The following KLHL30 variants were observed in gnomAD, a reference collection of about 807,000 sequenced individuals.
KLHL30 encodes kelch-like protein 30.
A neutral mutation model predicts 55.0 loss-of-function variants in KLHL30; 55 were observed. That is an observed-to-expected ratio of 1.00 (90% confidence interval 0.80 to 1.25). The LOEUF is 1.25. Among genes scored for constraint, KLHL30 ranks in the 50% most tolerant of loss-of-function variants. KLHL30 has a pLI of 0.00. For missense variants in KLHL30, 786 were observed against 811.6 expected (o/e 0.97, Z 0.38); for synonymous variants, 356 against 372.6 (o/e 0.96, Z 0.51).
rs1692623394 is a variant in KLHL30, at chr2:238,145,065, T to C, written c.994+77T>C. The stretch of plus-strand genomic sequence containing the variant: ...GCTCAGTGCAACTCCCCGCACTCCG[T>C]GGGGTCCCTGAGGGTTAGTCAAGGC... On this transcript the variant is annotated intron_variant, in intron 4 of 7. Transcript: ENST00000409223. The C allele has an allele frequency of 8.5e-6, 10 of 1,175,624 alleles. No individual in the cohort carries two copies. The South Asian group carries it at 1.3e-4, about 15-fold the overall frequency. 72.8% of individuals were successfully genotyped at this position (1,175,624 alleles called of 1,614,324 possible). A position where few individuals can be genotyped will look rare whatever the true frequency, so the allele number is the denominator to read the frequency against.
rs755959940 is a variant in KLHL30 at position 238,141,232 on chromosome 2, G to C, written c.478G>C (p.Glu160Gln). The change falls in exon 2 of 8, where the codon GAG (glutamate) becomes CAG (glutamine). Residue 160 changes from glutamate (E) to glutamine (Q), a missense_variant. Transcript: ENST00000409223. Reference protein sequence around the residue: ...VAAKAWAFLRENFEAVAREDE... With the variant: ...VAAKAWAFLRQNFEAVAREDE... The stretch of plus-strand genomic sequence containing the variant: ...TGCCAAGGCCTGGGCCTTCCTGCGA[G>C]AGAACTTTGAGGCTGTGGCACGTGA... The C allele has an allele frequency of 1.2e-6, 2 of 1,608,944 alleles. No individual in the cohort carries two copies. The highest frequency in any genetic ancestry group is 1.1e-5 in the South Asian group (1 of 91,060).
At chr2:238,145,904 G>T in intron 5 of KLHL30, 72 bp downstream of exon 5, 1 of 1,453,308 alleles carries the variant, frequency 6.9e-7, no homozygotes. Flanking sequence ...CAGGAACCGA[G>T]AGCCCCATGC....
Position 238,144,897 on chromosome 2 carries a change from G to A in KLHL30, c.908-5G>A, listed in dbSNP as rs377362256. On this transcript the variant is annotated splice_region_variant and splice_polypyrimidine_tract_variant and intron_variant, in intron 3 of 7. Coordinates refer to ENST00000409223, the MANE Select transcript of KLHL30 (RefSeq NM_198582.4). ...CTGACCCTTCTGCCTCTCTCTTCCT[G>A]CCAGAGAGGTGGATGGCACTTCCAG... The A allele has an allele frequency of 6.2e-7, 1 of 1,606,158 alleles. No individual in the cohort carries two copies. The highest frequency in any genetic ancestry group is 1.7e-4 in the Middle Eastern group (1 of 6,056).
chr2:238,147,796 C>T lies in KLHL30; in HGVS notation c.1151-38C>T. 7.4e-7 allele frequency: 1 copy of T among 1,345,022 alleles called. No individual in the cohort carries two copies. The highest frequency in any genetic ancestry group is 9.7e-7 in the Non-Finnish European group (1 of 1,027,684). The allele number at this position is 1,345,022 out of a possible 1,614,324, so 83.3% of individuals were successfully genotyped here. A position where few individuals can be genotyped will look rare whatever the true frequency, so the allele number is the denominator to read the frequency against. ...CCTGAGTTTCCAGGCCTCCCCTCTC[C>T]TCCCCAGCCCTGAACTGCCCCCGCC... is the stretch of plus-strand genomic sequence containing the variant. On this transcript the variant is annotated intron_variant, in intron 5 of 7. Coordinates refer to ENST00000409223, the MANE Select transcript of KLHL30 (RefSeq NM_198582.4). This position sits in a 1 kb window ranked among gnomAD's most constrained non-coding sequence, Gnocchi z 5.8.
Position 238,150,931 on chromosome 2 carries a change from G to A in KLHL30, c.1603G>A (p.Ala535Thr), listed in dbSNP as rs747353596. Residue 535 changes from alanine (A) to threonine (T), a missense_variant, in exon 8 of 8, where the codon GCC becomes ACC. Ala to Thr is a moderately conservative substitution (Grantham distance 58). Transcript: ENST00000409223. The part of the protein sequence containing the change: ...MEGDYHVEME[A>T]YDTVRDTWTR... ...AGGTGACTACCACGTGGAGATGGAG[G>A]CCTACGACACGGTTCGGGACACCTG... is the stretch of plus-strand genomic sequence containing the variant. 1 of 1,592,836 alleles carries A rather than the reference G, an allele frequency of 6.3e-7. No individual in the cohort carries two copies. Among genetic ancestry groups the A allele is most frequent in the Admixed American group, 1.7e-5 (1 of 57,234 alleles).
chr2:238,142,650 G>C, intron 2 of KLHL30, 149 bp from the exon 3 acceptor site: 1 of 709,372 alleles, frequency 1.4e-6, no homozygotes, highest in Non-Finnish European at 2.0e-6. Context: ...GGTGCAAGGA[G>C]GGAGCAGCTT....
chr2:238,151,220 G>A lies in KLHL30; in HGVS notation c.*155G>A. 3 of 1,062,212 alleles carry A rather than the reference G, an allele frequency of 2.8e-6. No individual in the cohort carries two copies. Among genetic ancestry groups the A allele is most frequent in the Non-Finnish European group, 4.0e-6 (3 of 750,210 alleles). The allele number at this position is 1,062,212 out of a possible 1,614,324, so 65.8% of individuals were successfully genotyped here. Reference sequence around the variant, plus strand: ...AGGGGTGATCAGACGGCATGGCTTGGAGGACACAGCCTTGGTCTCTGTGGC... The same window carrying A: ...AGGGGTGATCAGACGGCATGGCTTGAAGGACACAGCCTTGGTCTCTGTGGC... On this transcript the variant is annotated 3_prime_UTR_variant, in exon 8 of 8. Coordinates refer to ENST00000409223, the MANE Select transcript of KLHL30 (RefSeq NM_198582.4).
chr2:238,143,514 A>C (rs2106311741), intron 3 of KLHL30, among the ~76,000 whole-genome samples: 1 of 152,346 alleles, frequency 6.6e-6, no homozygotes, highest in Admixed American at 6.5e-5. Flanking sequence ...CACTGAGGCC[A>C]GGTCTGCCAT....
Position 238,150,975 on chromosome 2 carries a change from G to GC in KLHL30, c.1651dup (p.Arg551ProfsTer75). 2.5e-6 allele frequency: 4 copies of GC among 1,590,906 alleles called. No homozygotes were observed. Among genetic ancestry groups the GC allele is most frequent in the Non-Finnish European group, 2.6e-6 (3 of 1,170,070 alleles). On this transcript the variant is annotated frameshift_variant, in exon 8 of 8. Transcript: ENST00000409223. LOFTEE classifies it high-confidence loss of function. Reference sequence around the variant, plus strand: ...ACACCTGGACCCGCCACGGCGCCCTGCCCCGGCTCTGGCTCTACCACGGGG... The same window carrying GC: ...ACACCTGGACCCGCCACGGCGCCCTGCCCCCGGCTCTGGCTCTACCACGGGG...
At chr2:238,142,383 G>A (rs1692558478) in intron 2 of KLHL30, among the ~76,000 whole-genome samples, 1 of 152,196 alleles carries the variant, frequency 6.6e-6, no homozygotes, top group Non-Finnish European at 1.5e-5. Context: ...TGGGAGATCT[G>A]GGGGTTCCAT....
rs1379410941 is a variant in KLHL30, at chr2:238,141,026, T to C, written c.272T>C (p.Val91Ala). The C allele has an allele frequency of 6.8e-6, 11 of 1,612,400 alleles. No individual in the cohort carries two copies. Among genetic ancestry groups the C allele is most frequent in the Admixed American group, 3.3e-5 (2 of 60,006 alleles). ...GTGGTGGGACAACTGGTGGACTTCG[T>C]GTACACAGGCCGGCTGACCATCACG... ...PAVVGQLVDF[V>A]YTGRLTITQG... The change falls in exon 2 of 8, where the codon GTG becomes GCG. Residue 91 changes from valine to alanine, a missense_variant. By Grantham distance (64) the Val-to-Ala change is moderately conservative. Transcript: ENST00000409223.
At chr2:238,148,959 C>A (rs370137031) in intron 6 of KLHL30, 48 bp from the exon 7 acceptor site, 2 of 1,546,264 alleles carry the variant, frequency 1.3e-6, no homozygotes, top group African/African-American at 1.4e-5. Flanking sequence ...TGCTAGTGCC[C>A]GCTCTGGCAA....
rs746031603 is a variant in KLHL30 at position 238,147,996 on chromosome 2, C to T, written c.1313C>T (p.Ala438Val). 3 of 1,521,778 alleles carry T rather than the reference C, an allele frequency of 2.0e-6. No individual in the cohort carries two copies. Among genetic ancestry groups the T allele is most frequent in the Admixed American group, 2.1e-5 (1 of 47,630 alleles). The allele number at this position is 1,521,778 out of a possible 1,614,324, so 94.3% of individuals were successfully genotyped here. A position where few individuals can be genotyped will look rare whatever the true frequency, so the allele number is the denominator to read the frequency against. ...GSSACKYNAL[A>V]LQCYNPVTDA... ...AGCGCCTGCAAGTACAACGCCCTGG[C>T]CCTGCAGTGCTACAACCCTGTCACA... The change falls in exon 6 of 8, where the codon GCC becomes GTC. Residue 438 changes from alanine to valine, a missense_variant. Ala to Val is a moderately conservative substitution (Grantham distance 64, BLOSUM62 0). Coordinates refer to ENST00000409223, the MANE Select transcript of KLHL30 (RefSeq NM_198582.4). This position sits in a 1 kb window ranked among gnomAD's most constrained non-coding sequence, Gnocchi z 5.8.
chr2:238,146,430 A>G (rs999393014), intron 5 of KLHL30, among the ~76,000 whole-genome samples: 1 of 150,336 alleles, frequency 6.7e-6, no homozygotes, highest in South Asian at 2.1e-4. Flanking sequence ...TATTTTTGAG[A>G]CGGTCTTTCT....
At chr2:238,148,760 C>G (rs1692693812) in intron 6 of KLHL30, among the ~76,000 whole-genome samples, 1 of 152,210 alleles carries the variant, frequency 6.6e-6, no homozygotes, top group Admixed American at 6.5e-5. Context: ...CCTGCACCCT[C>G]CACAGGCCCC....
rs753767365 is a variant in KLHL30 at position 238,151,074 on chromosome 2, C to T, written c.*9C>T. On this transcript the variant is annotated 3_prime_UTR_variant, in exon 8 of 8. Transcript: ENST00000409223. ...CCACCCAGGAGCACTAAACCAGGGC[C>T]AGGGTCCCCGGGGAGGAGTCCCCAC... 1 of 1,580,688 alleles carries T rather than the reference C, an allele frequency of 6.3e-7. No homozygotes were observed. The highest frequency in any genetic ancestry group is 8.6e-7 in the Non-Finnish European group (1 of 1,162,754).
At position 238,152,289 on chromosome 2, in the gene KLHL30, C is replaced by T. The variant is rs988419624; in HGVS notation, c.*1224C>T. On this transcript the variant is annotated 3_prime_UTR_variant, in exon 8 of 8. Transcript: ENST00000409223. ...CTCTGACATCCTTGGGTTCTGAGGACGGAAACCCCTGAGCCTCTTGAGCTT... is the reference window on the plus strand; with the variant it reads ...CTCTGACATCCTTGGGTTCTGAGGATGGAAACCCCTGAGCCTCTTGAGCTT... The T allele has an allele frequency of 1.4e-5, 13 of 909,474 alleles. No individual in the cohort carries two copies. Among genetic ancestry groups the T allele is most frequent in the Non-Finnish European group, 1.6e-5 (12 of 761,712 alleles). The allele number at this position is 909,474 out of a possible 1,614,324, so 56.3% of individuals were successfully genotyped here. A position where few individuals can be genotyped will look rare whatever the true frequency, so the allele number is the denominator to read the frequency against.
Position 238,141,328 on chromosome 2 carries a change from C to A in KLHL30, c.574C>A (p.Pro192Thr). 1.3e-6 allele frequency: 2 copies of A among 1,597,068 alleles called. No individual in the cohort carries two copies. Among genetic ancestry groups the A allele is most frequent in the South Asian group, 1.1e-5 (1 of 90,266 alleles). The change falls in exon 2 of 8, where the codon CCG becomes ACG. Residue 192 changes from proline (P) to threonine (T), a missense_variant. Physicochemically the swap from Pro to Thr is conservative, Grantham distance 38. Coordinates refer to ENST00000409223, the MANE Select transcript of KLHL30 (RefSeq NM_198582.4). ...GGCCGGCGACCTGCTGCAGGTACAG[C>A]CGGAGCAAAGCCGACTCGAGGCCCT... ...CLAGDLLQVQPEQSRLEALMR... is the reference protein window; with the variant it reads ...CLAGDLLQVQTEQSRLEALMR...
chr2:238,145,839 C>G lies in KLHL30; in HGVS notation c.1150+7C>G, dbSNP rs1308265860. 1 of 1,588,734 alleles carries G rather than the reference C, an allele frequency of 6.3e-7. No individual in the cohort carries two copies. Among genetic ancestry groups the G allele is most frequent in the Admixed American group, 1.7e-5 (1 of 58,184 alleles). On this transcript the variant is annotated splice_region_variant and intron_variant, in intron 5 of 7. Coordinates refer to ENST00000409223, the MANE Select transcript of KLHL30 (RefSeq NM_198582.4). ...GAGATCTACGTTATCGGCGGTGAGG[C>G]CTTCCTCTCCACCCTTCCCTGGGGC...
Sources: gnomAD v4.1 joint callset for allele counts (sites outside exome capture counted in the v4.1 genomes callset) on GRCh38, gnomAD v4.1.1 for gene constraint, Gnocchi (gnomAD v3.1) non-coding constraint, MANE v1.5 for transcripts, NCBI Gene and HGNC (gene_info 2026-07-23, HGNC 2026-07-21) for gene names.